The following SDC2 variants were observed in gnomAD, a reference collection of about 807,000 sequenced individuals.
SDC2 encodes syndecan-2.
A neutral mutation model predicts 22.2 loss-of-function variants in SDC2; 13 were observed. That is an observed-to-expected ratio of 0.59 (90% CI 0.38 to 0.93). The LOEUF (loss-of-function observed/expected upper bound fraction) is 0.93. SDC2 is among the 40% of genes least tolerant of loss of function. The pLI, the probability that SDC2 is intolerant of heterozygous loss-of-function variation, is 0.00. For missense variants in SDC2, 235 were observed against 246.8 expected (o/e 0.95, Z 0.32); for synonymous variants, 94 against 92.8 (o/e 1.01, Z -0.07).
chr8:96,533,825 C>T (rs1813706356), intron 1 of SDC2, among the ~76,000 whole-genome samples: 1 of 152,248 alleles, frequency 6.6e-6, no homozygotes, highest in African/African-American at 2.4e-5. Flanking sequence ...AGCTGCCTGC[C>T]AGTCCTGCTC....
intron 1 of SDC2, among the ~76,000 whole-genome samples, chr8:96,555,023 G>A (rs747786389): frequency 2.0e-5 from 3 of 151,848 alleles, no homozygotes; most frequent in Non-Finnish European, 4.4e-5. Context: ...CCACGTCAGC[G>A]CTTCCTCCCA....
chr8:96,501,295 CTTTTTTTTTTTTTTTT>C (rs35998270), intron 1 of SDC2, among the ~76,000 whole-genome samples: 3 of 55,162 alleles, frequency 5.4e-5, no homozygotes, highest in East Asian at 5.7e-4. Flanking sequence ...ATACGTATTT[CTTTTTTTTTTTTTTTT>C]TTTTTTTTTT....
chr8:96,580,363 G>A, intron 1 of SDC2: 1 of 985,070 alleles, frequency 1.0e-6, no homozygotes, highest in Non-Finnish European at 1.2e-6. Context: ...TTGTTCCAGA[G>A]CATTTGCCAA....
At chr8:96,544,784 G>A (rs1384687488) in intron 1 of SDC2, among the ~76,000 whole-genome samples, 1 of 152,132 alleles carries the variant, frequency 6.6e-6, no homozygotes, top group African/African-American at 2.4e-5. Flanking sequence ...TAAGATATGA[G>A]GTGATTGTAG....
chr8:96,528,389 CAAAAG>C (rs1813610940), intron 1 of SDC2, among the ~76,000 whole-genome samples: 1 of 151,724 alleles, frequency 6.6e-6, no homozygotes, highest in African/African-American at 2.4e-5. Context: ...AGAAAAATGT[CAAAAG>C]AAAAAACACA....
chr8:96,505,818 A>G (rs1004358895), intron 1 of SDC2, among the ~76,000 whole-genome samples: 1 of 152,230 alleles, frequency 6.6e-6, no homozygotes, highest in Admixed American at 6.5e-5. Flanking sequence ...CTATAAGCCA[A>G]CAAAGGACAA....
rs56223448 is a variant in SDC2 at position 96,533,129 on chromosome 8, G to A, written c.60+38798G>A. 4.7e-3 allele frequency among the ~76,000 whole-genome samples: 719 copies of A among 152,310 alleles called. 5 individuals are homozygous for A. Among genetic ancestry groups the A allele is most frequent in the African/African-American group, 0.015 (640 of 41,566 alleles). On this transcript the variant is annotated intron_variant, in intron 1 of 4. Coordinates refer to ENST00000302190, the MANE Select transcript of SDC2 (RefSeq NM_002998.4). ...TTCAGGAGTGAAGCTGCAGACCTTC[G>A]TGGTGAGTGTTACAGCTCATAAAGG...
chr8:96,494,457 C>G (rs1813016669), intron 1 of SDC2, 126 bp downstream of exon 1: 2 of 840,170 alleles, frequency 2.4e-6, no homozygotes, highest in Non-Finnish European at 3.6e-6. Context: ...CGGAGATCCG[C>G]TGGGACAAAT....
intron 1 of SDC2, among the ~76,000 whole-genome samples, chr8:96,499,822 C>A (rs1029695754): frequency 2.7e-5 from 4 of 150,888 alleles, no homozygotes; most frequent in African/African-American, 9.8e-5. Flanking sequence ...GTTCTTACCT[C>A]TCTGACATTC....
intron 1 of SDC2, among the ~76,000 whole-genome samples, chr8:96,588,291 T>C (rs148147283): frequency 1.1e-3 from 172 of 152,318 alleles, no homozygotes; most frequent in Non-Finnish European, 1.5e-3. Context: ...GCTCTAAAAT[T>C]GTATGTTCCT....
intron 1 of SDC2, among the ~76,000 whole-genome samples, chr8:96,534,036 G>A (rs112197729): frequency 7.9e-5 from 12 of 152,300 alleles, no homozygotes; most frequent in Non-Finnish European, 1.3e-4. Flanking sequence ...TGCACCCTCC[G>A]CTGCTGCTGG....
chr8:96,544,091 C>G (rs1027925424), intron 1 of SDC2, among the ~76,000 whole-genome samples: 1 of 152,100 alleles, frequency 6.6e-6, no homozygotes, highest in Non-Finnish European at 1.5e-5. Flanking sequence ...GATGTCTTGC[C>G]CAGTAAGTAT....
At chr8:96,608,271 A>G (rs1815117126) in intron 3 of SDC2, 64 bp from the exon 4 acceptor site, 1 of 1,533,080 alleles carries the variant, frequency 6.5e-7, no homozygotes, top group African/African-American at 1.4e-5. Flanking sequence ...ATACTCATCT[A>G]TTATTTCTTC....
intron 1 of SDC2, among the ~76,000 whole-genome samples, chr8:96,533,760 A>G (rs531702343): frequency 6.6e-6 from 1 of 152,294 alleles, no homozygotes; most frequent in African/African-American, 2.4e-5. Context: ...TCCCCACTAG[A>G]CTCAGGAGCC....
intron 1 of SDC2, among the ~76,000 whole-genome samples, chr8:96,522,477 AAAG>A (rs1349514498): frequency 1.3e-5 from 2 of 152,180 alleles, no homozygotes; most frequent in African/African-American, 4.8e-5. Context: ...TACTTCGGAA[AAAG>A]AAGGAAGGTA....
chr8:96,549,774 A>C (rs143380752), intron 1 of SDC2, among the ~76,000 whole-genome samples: 1 of 152,186 alleles, frequency 6.6e-6, no homozygotes, highest in African/African-American at 2.4e-5. Context: ...TTTACTATTA[A>C]ATTTGATTTT....
At chr8:96,526,343 C>T (rs560730845) in intron 1 of SDC2, among the ~76,000 whole-genome samples, 58 of 99,954 alleles carry the variant, frequency 5.8e-4, no homozygotes, top group African/African-American at 3.2e-3. Context: ...AGCTGATCTC[C>T]TTAAAGCGGT....
In SDC2 at chr8:96,494,356, G is replaced by A. The variant is rs374633001; in HGVS notation, c.60+25G>A. On this transcript the variant is annotated intron_variant, in intron 1 of 4. Coordinates refer to ENST00000302190, the MANE Select transcript of SDC2 (RefSeq NM_002998.4). ...GGTGAGTGGGCCAGGCGGAGGATGC[G>A]CGCGCCGTTTAGGGTGTTTGAAGCT... is the stretch of plus-strand genomic sequence containing the variant. 9 of 1,536,780 alleles carry A rather than the reference G, an allele frequency of 5.9e-6. No individual in the cohort carries two copies. The African/African-American group carries it at 1.2e-4, about 21-fold the overall frequency.
intron 1 of SDC2, among the ~76,000 whole-genome samples, chr8:96,513,078 C>G (rs1167188742): frequency 6.6e-6 from 1 of 152,030 alleles, no homozygotes; most frequent in Admixed American, 6.6e-5. Context: ...GCCTTTCTCG[C>G]AAGCTTTAGA....
Sources: gnomAD v4.1 joint callset for allele counts (sites outside exome capture counted in the v4.1 genomes callset) on GRCh38, gnomAD v4.1.1 for gene constraint, MANE v1.5 for transcripts, NCBI Gene and HGNC (gene_info 2026-07-23, HGNC 2026-07-21) for gene names.